ZNF483: variants seen among roughly 807,000 people sequenced by gnomAD.
ZNF483 encodes zinc finger protein HIT-10.
Under a neutral mutation model 28.6 loss-of-function variants are expected in ZNF483, and 9 were observed. The observed-to-expected ratio is 0.32, with a 90% confidence interval of 0.19 to 0.55. The LOEUF is 0.55. Among genes scored for constraint, ZNF483 ranks in the 20% least tolerant of loss-of-function variants. The probability of loss-of-function intolerance (pLI) is 0.93; values close to 1 mark genes in which losing one functional copy is unlikely to be tolerated. For missense variants in ZNF483, 675 were observed against 871.7 expected, an observed-to-expected ratio of 0.77 and a Z score of 2.84; for synonymous variants, 322 against 306.2, an observed-to-expected ratio of 1.05 and a Z score of -0.54.
chr9:111,536,439 C>T (rs918808429), intron 5 of ZNF483, among the ~76,000 whole-genome samples: 3 of 151,980 alleles, frequency 2.0e-5, no homozygotes, highest in African/African-American at 7.2e-5. Flanking sequence ...GCAGGAGAAT[C>T]GCTTGAACCT....
rs1200053992 is a variant in ZNF483 at position 111,543,196 on chromosome 9, G to T, written c.*26G>T. ...TCCTGGAACTACATTAAAGTGGGGG[G>T]AATTTAATTCAAATTGTCAGTTACT... is the stretch of plus-strand genomic sequence containing the variant. On this transcript the variant is annotated 3_prime_UTR_variant, in exon 6 of 6. Transcript: ENST00000309235. 5.1e-6 allele frequency: 8 copies of T among 1,554,840 alleles called. No homozygotes were observed. The highest frequency in any genetic ancestry group is 1.2e-5 in the South Asian group (1 of 80,878).
At chr9:111,562,782 T>C in intron 5 of ZNF483, 1 of 272,436 alleles carries the variant, frequency 3.7e-6, no homozygotes, top group Non-Finnish European at 6.2e-6. Flanking sequence ...CAGCGTGTGT[T>C]GTTCCCCTCC....
chr9:111,560,636 CAAAAAAAAAAA>C (rs1015199330), intron 5 of ZNF483, among the ~76,000 whole-genome samples: 2 of 26,296 alleles, frequency 7.6e-5, no homozygotes, highest in African/African-American at 1.7e-4. Context: ...GACACCATCT[CAAAAAAAAAAA>C]AAAAAAAAAA....
In ZNF483 at chr9:111,533,816, G is replaced by A; in HGVS notation, c.579G>A (p.Glu193=). The A allele has an allele frequency of 1.3e-6, 2 of 1,593,356 alleles. No homozygotes were observed. The highest frequency in any genetic ancestry group is 1.7e-6 in the Non-Finnish European group (2 of 1,174,678). ...AGAAGCTGGAGCCTTTTCAAAAGGA[G>A]CTATATAAGGAAGTGCTACTGGAAA... ...EWKKLEPFQK[E]LYKEVLLENL... The change falls in exon 4 of 6, where the codon GAG becomes GAA. Residue 193 remains glutamate (E), a synonymous_variant. Coordinates refer to ENST00000309235, the MANE Select transcript of ZNF483 (RefSeq NM_133464.5).
At position 111,544,370 on chromosome 9, in the gene ZNF483, G is replaced by GTA; in HGVS notation, c.*1201_*1202insAT. On this transcript the variant is annotated 3_prime_UTR_variant, in exon 6 of 6. Transcript: ENST00000309235. ...TGCATGTGTGTGTGTGTGTGTGTGT[G>GTA]TGTATACATTGTTGCCACTATCTAA... is the stretch of plus-strand genomic sequence containing the variant. 1.0e-6 allele frequency: 1 copy of GTA among 980,980 alleles called. No individual in the cohort carries two copies. Among genetic ancestry groups the GTA allele is most frequent in the Non-Finnish European group, 1.2e-6 (1 of 826,220 alleles). 60.8% of individuals were successfully genotyped at this position (980,980 alleles called of 1,614,324 possible). A position where few individuals can be genotyped will look rare whatever the true frequency, so the allele number is the denominator to read the frequency against.
In ZNF483 at chr9:111,542,772, G is replaced by A. The variant is rs1256723520; in HGVS notation, c.1837G>A (p.Gly613Arg). The change falls in exon 6 of 6, where the codon GGA becomes AGA. Residue 613 changes from glycine to arginine, a missense_variant. By Grantham distance (125) the Gly-to-Arg change is moderately radical. Coordinates refer to ENST00000309235, the MANE Select transcript of ZNF483 (RefSeq NM_133464.5). This position sits in a 1 kb window ranked among gnomAD's most constrained non-coding sequence, Gnocchi z 6.2. ...GEKPYLCNDC[G>R]MTFSHFTSVI... ...AAAACCATATTTGTGTAATGATTGC[G>A]GAATGACTTTTAGCCATTTTACGTC... The A allele has an allele frequency of 2.5e-6, 4 of 1,613,824 alleles. No individual in the cohort carries two copies. The highest frequency in any genetic ancestry group is 1.7e-5 in the Admixed American group (1 of 59,986).
chr9:111,569,122 C>T (rs1828700233), intron 5 of ZNF483, among the ~76,000 whole-genome samples: 1 of 152,132 alleles, frequency 6.6e-6, no homozygotes, highest in Non-Finnish European at 1.5e-5. Context: ...AGATGTGTAT[C>T]AGGCATCCAG....
intron 2 of ZNF483, 61 bp from the exon 3 acceptor site, chr9:111,530,785 ATATATATATATATATACATATATATATAT>A (rs1827316855): frequency 1.2e-5 from 1 of 83,442 alleles, no homozygotes; most frequent in South Asian, 3.6e-4. Flanking sequence ...ATATATATAT[ATATATATATATATATACATATATATATAT>A]AAGATTTTTA....
chr9:111,551,903 C>T lies in ZNF483; in HGVS notation c.*8733C>T, dbSNP rs1194382983. ...TTTATCAATACAATATATCATTCTT[C>T]AGATTTTGCTTATTTTTTGCAGCCA... On this transcript the variant is annotated 3_prime_UTR_variant, in exon 6 of 6. Coordinates refer to ENST00000309235, the MANE Select transcript of ZNF483 (RefSeq NM_133464.5). Among the ~76,000 whole-genome samples, 2 of 152,126 alleles carry T rather than the reference C, an allele frequency of 1.3e-5. No homozygotes were observed. Among genetic ancestry groups the T allele is most frequent in the Non-Finnish European group, 2.9e-5 (2 of 68,022 alleles).
chr9:111,560,598 G>A (rs1828249302), intron 5 of ZNF483, among the ~76,000 whole-genome samples: 1 of 127,512 alleles, frequency 7.8e-6, no homozygotes, highest in South Asian at 2.7e-4. Flanking sequence ...CAGAGATCAT[G>A]CTACTGCACG....
intron 5 of ZNF483, among the ~76,000 whole-genome samples, chr9:111,573,183 C>T (rs936839425): frequency 1.3e-5 from 2 of 152,154 alleles, no homozygotes; most frequent in Non-Finnish European, 2.9e-5. Context: ...TATTCCTAAT[C>T]GGACTGTGGT....
intron 5 of ZNF483, among the ~76,000 whole-genome samples, chr9:111,534,615 C>T (rs1353864973): frequency 3.3e-5 from 5 of 151,334 alleles, no homozygotes; most frequent in African/African-American, 7.3e-5. Context: ...TAGAAGAAGC[C>T]GGAATAGCCA....
In ZNF483 at chr9:111,571,336, C is replaced by T. The variant is rs1239821997; in HGVS notation, c.722-5029C>T. 1.3e-5 allele frequency among the ~76,000 whole-genome samples: 2 copies of T among 149,492 alleles called. 1 individual carries two copies. Among genetic ancestry groups the T allele is most frequent in the Non-Finnish European group, 3.0e-5 (2 of 67,372 alleles). ...CTGAGGCAGGAGAATCGCTTGAAGT[C>T]GGAAGGGGACTGCAGTGAGCTGAGA... On this transcript the variant is annotated intron_variant, in intron 5 of 5. Coordinates refer to the ZNF483 transcript ENST00000358151.
chr9:111,534,383 T>G lies in ZNF483; in HGVS notation c.721+30T>G, dbSNP rs1401778769. 1.9e-6 allele frequency: 3 copies of G among 1,575,602 alleles called. No homozygotes were observed. In the Admixed American group the frequency reaches 5.0e-5, roughly 26 times the overall value. On this transcript the variant is annotated intron_variant, in intron 5 of 5. Coordinates refer to ENST00000309235, the MANE Select transcript of ZNF483 (RefSeq NM_133464.5). Reference sequence around the variant, plus strand: ...GTTGGTGAAAAATACACAACGAAATTAAAGCAGTTGTTTAGCAAGTCTGTT... The same window carrying G: ...GTTGGTGAAAAATACACAACGAAATGAAAGCAGTTGTTTAGCAAGTCTGTT...
chr9:111,534,221 A>G lies in ZNF483; in HGVS notation c.629-40A>G, dbSNP rs372790610. On this transcript the variant is annotated intron_variant, in intron 4 of 5. Coordinates refer to ENST00000309235, the MANE Select transcript of ZNF483 (RefSeq NM_133464.5). Reference sequence around the variant, plus strand: ...GTGAATGCTGGGATATCTTTACTCTATGCAAAACAGCAATTTTCTGTTCTT... The same window carrying G: ...GTGAATGCTGGGATATCTTTACTCTGTGCAAAACAGCAATTTTCTGTTCTT... 1.6e-4 allele frequency: 248 copies of G among 1,551,428 alleles called. No homozygotes were observed. The African/African-American group carries it at 2.8e-3, about 18-fold the overall frequency.
In ZNF483 at chr9:111,530,976, T is replaced by C. The variant is rs1400841912; in HGVS notation, c.501+13T>C. On this transcript the variant is annotated intron_variant, in intron 3 of 5. Coordinates refer to ENST00000309235, the MANE Select transcript of ZNF483 (RefSeq NM_133464.5). ...TACTGAGTCCTGTGTAAGTTTCCTT[T>C]GATGGTTTTTATTCCTAAGTGAATA... The C allele has an allele frequency of 7.2e-7, 1 of 1,381,794 alleles. No homozygotes were observed. The highest frequency in any genetic ancestry group is 9.9e-7 in the Non-Finnish European group (1 of 1,011,826). The allele number at this position is 1,381,794 out of a possible 1,614,324, so 85.6% of individuals were successfully genotyped here.
exon 6 of ZNF483, chr9:111,576,570 A>G (rs948946813): frequency 5.4e-5 from 45 of 827,428 alleles, no homozygotes; most frequent in Middle Eastern, 5.3e-4. Flanking sequence ...GCCATAGGCA[A>G]GTTACTTAAC....
In ZNF483 at chr9:111,543,684, TA is replaced by T. The variant is rs755470616; in HGVS notation, c.*515del. 25 of 977,958 alleles carry T rather than the reference TA, an allele frequency of 2.6e-5. No individual in the cohort carries two copies. The highest frequency in any genetic ancestry group is 6.1e-5 in the Admixed American group (1 of 16,284). 60.6% of individuals were successfully genotyped at this position (977,958 alleles called of 1,614,324 possible). A position where few individuals can be genotyped will look rare whatever the true frequency, so the allele number is the denominator to read the frequency against. On this transcript the variant is annotated 3_prime_UTR_variant, in exon 6 of 6. Coordinates refer to ENST00000309235, the MANE Select transcript of ZNF483 (RefSeq NM_133464.5). ...AATCTCTGAAGCTGTGGACATAAGTTATTTTTTTTTATTTGTCATTACTTTC... is the reference window on the plus strand; with the variant it reads ...AATCTCTGAAGCTGTGGACATAAGTTTTTTTTTTTATTTGTCATTACTTTC...
chr9:111,536,957 G>C (rs1827522075), intron 5 of ZNF483, among the ~76,000 whole-genome samples: 1 of 152,160 alleles, frequency 6.6e-6, no homozygotes, highest in South Asian at 2.1e-4. Context: ...TGAAATGGCA[G>C]ACAATTGCAG....
Sources: gnomAD v4.1 joint callset for allele counts (sites outside exome capture counted in the v4.1 genomes callset) on GRCh38, gnomAD v4.1.1 for gene constraint, Gnocchi (gnomAD v3.1) non-coding constraint, MANE v1.5 for transcripts, NCBI Gene and HGNC (gene_info 2026-07-23, HGNC 2026-07-21) for gene names.